Variants in PPM1F observed in about 807,000 individuals in gnomAD.
PPM1F encodes protein phosphatase, Mg2+/Mn2+ dependent 1F.
Under a neutral mutation model 35.5 loss-of-function variants are expected in PPM1F, and 17 were observed. The observed-to-expected ratio is 0.48, with a 90% confidence interval of 0.33 to 0.72. PPM1F has a LOEUF of 0.72. Among genes scored for constraint, PPM1F ranks in the 30% least tolerant of loss-of-function variants. The pLI is 0.02. For synonymous variants in PPM1F, 241 were observed against 255.5 expected, an observed-to-expected ratio of 0.94 and a Z score of 0.54; for missense variants, 521 against 613.0, an observed-to-expected ratio of 0.85 and a Z score of 1.59.
At position 21,946,009 on chromosome 22, in the gene PPM1F, T is replaced by C. The variant is rs760617515; in HGVS notation, c.40A>G (p.Ser14Gly). Residue 14 changes from serine (S) to glycine (G), a missense_variant, in exon 2 of 8, where the codon AGT (serine) becomes GGT (glycine). Physicochemically the swap from Ser to Gly is moderately conservative, Grantham distance 56 (BLOSUM62 0). Around this residue, in one of 3 missense-constraint regions of PPM1F, gnomAD observed 311 missense variants for 351.5 expected, o/e 0.88. Coordinates refer to ENST00000263212, the MANE Select transcript of PPM1F (RefSeq NM_014634.4). ...AAGCCTGGGGTCTCCTCAGCTCCACTGGCCATTGGGCTGCTCTTCTGTGGG... is the reference window on the plus strand; with the variant it reads ...AAGCCTGGGGTCTCCTCAGCTCCACCGGCCATTGGGCTGCTCTTCTGTGGG... ...GAPQKSSPMA[S>G]GAEETPGFLD... 6.3e-7 allele frequency: 1 copy of C among 1,593,280 alleles called. No individual in the cohort carries two copies. The highest frequency in any genetic ancestry group is 8.6e-7 in the Non-Finnish European group (1 of 1,168,778).
intron 1 of PPM1F, chr22:21,947,823 T>G (rs1488186697): frequency 6.6e-6 from 1 of 152,144 alleles, no homozygotes; most frequent in Non-Finnish European, 1.5e-5. Flanking sequence ...TATCAGGAAT[T>G]GCTAACTTGG....
At chr22:21,925,867 T>G (rs2070508116) in intron 6 of PPM1F, 1 of 462,704 alleles carries the variant, frequency 2.2e-6, no homozygotes, top group Non-Finnish European at 3.8e-6. Context: ...ACAAGTCCTT[T>G]AGTTGCAGGA....
At chr22:21,945,595 C>T (rs916288776) in intron 2 of PPM1F, 2 of 519,204 alleles carry the variant, frequency 3.9e-6, no homozygotes. Flanking sequence ...GAGCATGGCG[C>T]AGCTGCCACC....
At chr22:21,929,853 C>T (rs377056718) in intron 6 of PPM1F, among the ~76,000 whole-genome samples, 1 of 152,258 alleles carries the variant, frequency 6.6e-6, no homozygotes. Context: ...CTGACTGTTA[C>T]AATCATCAAG....
chr22:21,934,138 G>T lies in PPM1F; in HGVS notation c.444C>A (p.Ala148=). The part of the protein sequence containing the change: ...GQWQKQVPLA[A]RASQRQWLVS... The stretch of plus-strand genomic sequence containing the variant: ...CCAGCCACTGCCGCTGTGAGGCCCG[G>T]GCAGCCAATGGCACCTGCTTCTGCC... Residue 148 remains alanine, a synonymous_variant, in exon 4 of 8, where the codon GCC becomes GCA. Transcript: ENST00000263212. The T allele has an allele frequency of 6.4e-7, 1 of 1,573,864 alleles. No individual in the cohort carries two copies. Among genetic ancestry groups the T allele is most frequent in the East Asian group, 2.3e-5 (1 of 42,946 alleles).
At chr22:21,944,102 G>A (rs2329886) in intron 2 of PPM1F, 25,143 of 149,686 alleles carry the variant, frequency 0.17, 2,265 homozygotes, top group African/African-American at 0.22. Flanking sequence ...CTCACCTCCC[G>A]TGCATTGGCA....
intron 6 of PPM1F, among the ~76,000 whole-genome samples, chr22:21,930,911 T>C (rs1387037398): frequency 3.3e-5 from 5 of 152,308 alleles, no homozygotes; most frequent in African/African-American, 7.2e-5. Flanking sequence ...TGCCTGTCAG[T>C]GCAGAGGGCT....
At chr22:21,945,201 T>A (rs1444540853) in intron 2 of PPM1F, 1 of 152,376 alleles carries the variant, frequency 6.6e-6, no homozygotes, top group Non-Finnish European at 1.5e-5. Flanking sequence ...TAATTAGTTA[T>A]GTTCACATGA....
chr22:21,927,594 T>G (rs1167465216), intron 6 of PPM1F, among the ~76,000 whole-genome samples: 1 of 152,244 alleles, frequency 6.6e-6, no homozygotes, highest in Non-Finnish European at 1.5e-5. Flanking sequence ...AGGCTAAGCT[T>G]AGAACCTTCC....
rs1421619351 is a variant in PPM1F at position 21,931,306 on chromosome 22, G to A, written c.748-15C>T. The stretch of plus-strand genomic sequence containing the variant: ...CTCTGCAGCCGCTGCAGGGAGAGAG[G>A]GCCCATGAGAGTTGAGAGGAGGTAG... On this transcript the variant is annotated splice_polypyrimidine_tract_variant and intron_variant, in intron 5 of 7. Coordinates refer to ENST00000263212, the MANE Select transcript of PPM1F (RefSeq NM_014634.4). 4 of 1,609,114 alleles carry A rather than the reference G, an allele frequency of 2.5e-6. No individual in the cohort carries two copies. Among genetic ancestry groups the A allele is most frequent in the African/African-American group, 1.3e-5 (1 of 74,892 alleles).
intron 3 of PPM1F, chr22:21,937,727 C>T (rs735244): frequency 0.13 from 21,596 of 168,294 alleles, 1,628 homozygotes; most frequent in Middle Eastern, 0.19. Context: ...CTCACGGTCT[C>T]GCCCCGGGTG....
chr22:21,925,424 T>C, intron 7 of PPM1F, 145 bp downstream of exon 7: 1 of 655,034 alleles, frequency 1.5e-6, no homozygotes, highest in Non-Finnish European at 2.8e-6. Flanking sequence ...CCCTTCACAC[T>C]ACGAGGGTAT....
chr22:21,922,941 C>CT lies in PPM1F; in HGVS notation c.*150_*151insA. On this transcript the variant is annotated 3_prime_UTR_variant, in exon 8 of 8. Coordinates refer to ENST00000263212, the MANE Select transcript of PPM1F (RefSeq NM_014634.4). ...GTTCCACAGCCACCAGGACGGGCTGCGGGGGGTGTCCCGACTGGCTCTGGG... is the reference window on the plus strand; with the variant it reads ...GTTCCACAGCCACCAGGACGGGCTGCTGGGGGGTGTCCCGACTGGCTCTGGG... 9.9e-7 allele frequency: 1 copy of CT among 1,009,900 alleles called. No individual in the cohort carries two copies. 62.6% of individuals were successfully genotyped at this position (1,009,900 alleles called of 1,614,324 possible). A position where few individuals can be genotyped will look rare whatever the true frequency, so the allele number is the denominator to read the frequency against.
intron 2 of PPM1F, among the ~76,000 whole-genome samples, chr22:21,940,025 T>C (rs1320244423): frequency 2.0e-5 from 3 of 152,038 alleles, no homozygotes; most frequent in Non-Finnish European, 2.9e-5. Flanking sequence ...CTGGGTTGAA[T>C]TGTGTCCCCC....
intron 3 of PPM1F, chr22:21,938,089 G>A: frequency 1.6e-6 from 2 of 1,287,388 alleles, no homozygotes; most frequent in South Asian, 1.3e-5. Flanking sequence ...CTGACAGACG[G>A]GGAAGCAAGG....
chr22:21,923,552 C>T, intron 7 of PPM1F, 81 bp from the exon 8 acceptor site: 2 of 1,474,240 alleles, frequency 1.4e-6, no homozygotes, highest in Admixed American at 4.4e-5. Flanking sequence ...CTAGACCTCA[C>T]ATCCTGCAGG....
intron 7 of PPM1F, 103 bp from the exon 8 acceptor site, chr22:21,923,574 A>G (rs1381202894): frequency 1.6e-6 from 2 of 1,287,712 alleles, no homozygotes; most frequent in East Asian, 2.5e-5. Context: ...ACAGAGACCA[A>G]CCTGCTCTCA....
chr22:21,939,234 C>T lies in PPM1F; in HGVS notation c.355+298G>A. 2.6e-6 allele frequency: 1 copy of T among 390,024 alleles called. No homozygotes were observed. Among genetic ancestry groups the T allele is most frequent in the Non-Finnish European group, 4.7e-6 (1 of 212,934 alleles). The allele number at this position is 390,024 out of a possible 1,614,324, so 24.2% of individuals were successfully genotyped here. Reference sequence around the variant, plus strand: ...GAGATCCTCTGTGAAACGGGATAAGCATCTTTAATTTCCTGGGCTGTTCTG... The same window carrying T: ...GAGATCCTCTGTGAAACGGGATAAGTATCTTTAATTTCCTGGGCTGTTCTG... On this transcript the variant is annotated intron_variant, in intron 3 of 7. Coordinates refer to ENST00000263212, the MANE Select transcript of PPM1F (RefSeq NM_014634.4). This position sits in a 1 kb window ranked among gnomAD's most constrained non-coding sequence, Gnocchi z 5.1.
chr22:21,923,109 C>G lies in PPM1F; in HGVS notation c.1348G>C (p.Ala450Pro). 6.2e-7 allele frequency: 1 copy of G among 1,606,900 alleles called. No homozygotes were observed. The highest frequency in any genetic ancestry group is 8.5e-7 in the Non-Finnish European group (1 of 1,176,684). The stretch of plus-strand genomic sequence containing the variant: ...GAAACCACCTAGCTTCTTGGTGGAG[C>G]CTGGGTCTCAGGTTCTGGAAGGCTG... ...PSSLPEPETQ[A>P]PPRS Residue 450 changes from alanine (A) to proline (P), a missense_variant, in exon 8 of 8, where the codon GCT (alanine) becomes CCT (proline). Ala to Pro is a conservative substitution (Grantham distance 27). This residue lies in a region of PPM1F where 163 missense variants were observed against 169.6 expected (regional missense o/e 0.96). Transcript: ENST00000263212.
Sources: gnomAD v4.1 joint callset for allele counts (sites outside exome capture counted in the v4.1 genomes callset) on GRCh38, gnomAD v4.1.1 for gene constraint, gnomAD v4.1.1 regional missense constraint, Gnocchi (gnomAD v3.1) non-coding constraint, MANE v1.5 for transcripts, NCBI Gene and HGNC (gene_info 2026-07-23, HGNC 2026-07-21) for gene names.